Variants in DOCK8 observed in about 807,000 individuals in gnomAD.
The protein encoded by DOCK8 is dedicator of cytokinesis protein 8.
A neutral mutation model predicts 245.6 loss-of-function variants in DOCK8; 141 were observed. The observed-to-expected ratio is 0.57, with a 90% CI of 0.50 to 0.66. DOCK8 has a LOEUF of 0.66. DOCK8 is among the 30% of genes least tolerant of loss of function. DOCK8 has a pLI of 0.00. For synonymous variants in DOCK8, 1,168 were observed against 970.2 expected, an observed-to-expected ratio of 1.20 and a Z score of -3.79; for missense variants, 2,965 against 2,603.4, an observed-to-expected ratio of 1.14 and a Z score of -3.02.
intron 23 of DOCK8, among the ~76,000 whole-genome samples, chr9:387,008 CCA>C (rs1563994533): frequency 6.6e-6 from 1 of 152,150 alleles, no homozygotes; most frequent in Non-Finnish European, 1.5e-5. Context: ...ACAAAATTCC[CCA>C]ATCATAGTCC....
Position 373,381 on chromosome 9 carries a change from A to T in DOCK8, c.2109+1095A>T, listed in dbSNP as rs547662828. On this transcript the variant is annotated intron_variant, in intron 18 of 47. Coordinates refer to ENST00000432829, the MANE Select transcript of DOCK8 (RefSeq NM_203447.4). ...TTAACCATCACAATACCATTGTCAT[A>T]CTTTAAAATTTTAACTGTAATTTCT... 3.3e-5 allele frequency among the ~76,000 whole-genome samples: 5 copies of T among 152,354 alleles called. No individual in the cohort carries two copies. In the East Asian group the frequency reaches 9.6e-4, roughly 29 times the overall value.
intron 40 of DOCK8, 33 bp downstream of exon 40, chr9:439,421 C>G (rs767328667): frequency 6.2e-6 from 10 of 1,608,984 alleles, no homozygotes; most frequent in Non-Finnish European, 8.5e-6. Context: ...GGGGCCTGGC[C>G]TCCCATACTC....
At chr9:405,163 T>A in intron 27 of DOCK8, 90 bp downstream of exon 27, 1 of 1,350,418 alleles carries the variant, frequency 7.4e-7, no homozygotes, top group African/African-American at 1.5e-5. Context: ...TAAAGGTTAG[T>A]CTTATTAATT....
Position 376,319 on chromosome 9 carries a change from A to T in DOCK8, c.2205+14A>T. 1 of 1,572,972 alleles carries T rather than the reference A, an allele frequency of 6.4e-7. No homozygotes were observed. The highest frequency in any genetic ancestry group is 8.8e-7 in the Non-Finnish European group (1 of 1,142,340). On this transcript the variant is annotated intron_variant, in intron 19 of 47. Transcript: ENST00000432829. ...GTACACACCCAGGTAAGGAATGTCA[A>T]GGTTAATCATGAAGGTAAAGGTGCA...
At chr9:230,636 T>C (rs1026475987) in intron 1 of DOCK8, among the ~76,000 whole-genome samples, 1 of 151,990 alleles carries the variant, frequency 6.6e-6, no homozygotes, top group Non-Finnish European at 1.5e-5. Context: ...TTGATTTGCA[T>C]TTCTCTGATG....
At chr9:243,749 A>T (rs912602975) in intron 1 of DOCK8, among the ~76,000 whole-genome samples, 2 of 152,058 alleles carry the variant, frequency 1.3e-5, no homozygotes, top group Non-Finnish European at 2.9e-5. Context: ...GAGGACTCTG[A>T]TACCCAAATG....
intron 1 of DOCK8, among the ~76,000 whole-genome samples, chr9:246,706 G>A (rs988447934): frequency 1.3e-5 from 2 of 152,150 alleles, no homozygotes; most frequent in African/African-American, 4.8e-5. Flanking sequence ...TGGTCTTGTT[G>A]TTGAATCCAG....
intron 45 of DOCK8, among the ~76,000 whole-genome samples, chr9:451,273 T>A (rs1471796749): frequency 2.0e-5 from 3 of 152,028 alleles, no homozygotes; most frequent in African/African-American, 4.8e-5. Context: ...ATTATGCCAC[T>A]GCGCTCCAGC....
chr9:345,205 TCCCTTAAGGA>T (rs1225548062), intron 14 of DOCK8, among the ~76,000 whole-genome samples: 2 of 152,158 alleles, frequency 1.3e-5, no homozygotes, highest in East Asian at 3.8e-4. Context: ...CATACCTGTA[TCCCTTAAGGA>T]AATCAAATAA....
chr9:224,271 C>G (rs1195235301), intron 1 of DOCK8, among the ~76,000 whole-genome samples: 1 of 152,136 alleles, frequency 6.6e-6, no homozygotes, highest in East Asian at 1.9e-4. Context: ...AAAGATTTTT[C>G]TCCCCCGATG....
intron 39 of DOCK8, among the ~76,000 whole-genome samples, chr9:435,761 T>G (rs1192208744): frequency 6.6e-6 from 1 of 152,194 alleles, no homozygotes; most frequent in African/African-American, 2.4e-5. Flanking sequence ...GGATGCTCAG[T>G]GGCCACTTAA....
chr9:400,952 A>ACCTCCT (rs1412533059), intron 26 of DOCK8, among the ~76,000 whole-genome samples: 3 of 67,440 alleles, frequency 4.4e-5, no homozygotes, highest in East Asian at 7.9e-4. Context: ...CACCATCACC[A>ACCTCCT]CCACCACCAC....
At chr9:339,483 G>A (rs962001321) in intron 13 of DOCK8, among the ~76,000 whole-genome samples, 5 of 152,124 alleles carry the variant, frequency 3.3e-5, no homozygotes, top group African/African-American at 1.2e-4. Context: ...AGGTACTTCT[G>A]TAGCATCCTC....
chr9:270,925 G>C (rs1374128324), intron 1 of DOCK8, among the ~76,000 whole-genome samples: 1 of 152,204 alleles, frequency 6.6e-6, no homozygotes, highest in African/African-American at 2.4e-5. Flanking sequence ...TAAGTGCTCA[G>C]AAGTCAACCT....
chr9:239,750 G>A (rs1259490353), intron 1 of DOCK8, among the ~76,000 whole-genome samples: 2 of 152,008 alleles, frequency 1.3e-5, no homozygotes, highest in African/African-American at 4.8e-5. Context: ...TATTTTTTCA[G>A]ATACACACAT....
rs764607263 is a variant in DOCK8, at chr9:382,653, G to C, written c.2746G>C (p.Asp916His). The change falls in exon 22 of 48, where the codon GAC (aspartate) becomes CAC (histidine). Residue 916 changes from aspartate to histidine, a missense_variant. Physicochemically the swap from Asp to His is moderately conservative, Grantham distance 81. Transcript: ENST00000432829. Reference sequence around the variant, plus strand: ...CCTCGCGGGGACACACTCCGCAGCAGACGAGGAAGTGAAGAACATCATGTC... The same window carrying C: ...CCTCGCGGGGACACACTCCGCAGCACACGAGGAAGTGAAGAACATCATGTC... Reference protein sequence around the residue: ...PDLAGTHSAADEEVKNIMSSK... With the variant: ...PDLAGTHSAAHEEVKNIMSSK... 6.2e-7 allele frequency: 1 copy of C among 1,614,184 alleles called. No individual in the cohort carries two copies. The highest frequency in any genetic ancestry group is 8.5e-7 in the Non-Finnish European group (1 of 1,180,038).
chr9:294,470 T>A (rs2130435290), intron 4 of DOCK8, among the ~76,000 whole-genome samples: 2 of 152,324 alleles, frequency 1.3e-5, no homozygotes, highest in African/African-American at 4.8e-5. Flanking sequence ...GTTCCTCCAG[T>A]CTTCTTTTAG....
At chr9:440,855 G>A (rs762151771) in intron 40 of DOCK8, among the ~76,000 whole-genome samples, 1 of 152,004 alleles carries the variant, frequency 6.6e-6, no homozygotes, top group Admixed American at 6.6e-5. Flanking sequence ...CACCTCAACC[G>A]CCCAAGTAGC....
intron 14 of DOCK8, among the ~76,000 whole-genome samples, chr9:353,546 C>T (rs1012135508): frequency 6.6e-6 from 1 of 152,154 alleles, no homozygotes; most frequent in East Asian, 1.9e-4. Flanking sequence ...ATGTGTTTTT[C>T]TCAGCTGGCA....
Sources: gnomAD v4.1 joint callset for allele counts (sites outside exome capture counted in the v4.1 genomes callset) on GRCh38, gnomAD v4.1.1 for gene constraint, MANE v1.5 for transcripts, NCBI Gene and HGNC (gene_info 2026-07-23, HGNC 2026-07-21) for gene names.